Variants in RUNX1T1 observed in about 807,000 individuals in gnomAD.
The protein encoded by RUNX1T1 is protein CBFA2T1.
RUNX1T1 carries 4 observed loss-of-function variants against 62.8 expected under a neutral mutation model. That is an observed-to-expected ratio of 0.06 (90% confidence interval 0.03 to 0.15). The LOEUF is 0.15. Ranked by LOEUF, RUNX1T1 falls within the 10% of genes least tolerant of loss-of-function variation. The probability of loss-of-function intolerance (pLI) is 1.00; values close to 1 mark genes in which losing one functional copy is unlikely to be tolerated. For synonymous variants in RUNX1T1, 291 were observed against 286.0 expected (o/e 1.02, Z -0.18); for missense variants, 508 against 754.3 (o/e 0.67, Z 3.82).
chr8:92,009,789 T>C (rs576535020), intron 4 of RUNX1T1: 1 of 152,220 alleles, frequency 6.6e-6, no homozygotes, highest in East Asian at 1.9e-4. Flanking sequence ...GTATAAGCCA[T>C]TTTGGGAGAA....
At chr8:92,061,424 G>A (rs1002046757) in intron 1 of RUNX1T1, among the ~76,000 whole-genome samples, 11 of 152,132 alleles carry the variant, frequency 7.2e-5, no homozygotes, top group African/African-American at 2.7e-4. Context: ...GAGTTAAAAT[G>A]ACCTTTCAAA....
exon 10 of RUNX1T1, chr8:91,970,706 C>G: frequency 1.9e-6 from 3 of 1,613,298 alleles, no homozygotes; most frequent in Non-Finnish European, 2.5e-6. Flanking sequence ...CGTCCTCCGC[C>G]GCCTGCCGTT....
chr8:92,005,287 G>A, exon 5 of RUNX1T1: 1 of 1,611,288 alleles, frequency 6.2e-7, no homozygotes, highest in Non-Finnish European at 8.5e-7. Flanking sequence ...CTGCAGCAGG[G>A]GCAAGTTGGC....
intron 1 of RUNX1T1, among the ~76,000 whole-genome samples, chr8:92,034,254 A>C (rs1289744498): frequency 7.2e-5 from 11 of 152,204 alleles, no homozygotes. Flanking sequence ...CACAAACACT[A>C]GCTGACTGAG....
intron 1 of RUNX1T1, among the ~76,000 whole-genome samples, chr8:92,061,689 C>T (rs1832057061): frequency 6.6e-6 from 1 of 152,178 alleles, no homozygotes; most frequent in South Asian, 2.1e-4. Flanking sequence ...GGTGTACAAA[C>T]TCTGTGACCA....
At chr8:92,067,262 A>G (rs1401637611), upstream of RUNX1T1, among the ~76,000 whole-genome samples, 1 of 152,236 alleles carries the variant, frequency 6.6e-6, no homozygotes, top group African/African-American at 2.4e-5. Context: ...CCTCAATCAC[A>G]TGCAACTAGT....
chr8:92,035,307 A>T (rs1052262429), intron 1 of RUNX1T1, among the ~76,000 whole-genome samples: 8 of 151,668 alleles, frequency 5.3e-5, no homozygotes, highest in South Asian at 2.1e-4. Flanking sequence ...AAAAAAAAAA[A>T]AAATAAGAGT....
chr8:92,076,111 G>A, exon 2 of RUNX1T1: 1 of 1,572,352 alleles, frequency 6.4e-7, no homozygotes, highest in Non-Finnish European at 8.6e-7. Context: ...CAGAGATTAT[G>A]TTCACCAGCC....
chr8:92,042,782 T>C (rs1194362317), intron 1 of RUNX1T1, among the ~76,000 whole-genome samples: 1 of 152,178 alleles, frequency 6.6e-6, no homozygotes, highest in African/African-American at 2.4e-5. Flanking sequence ...AATCTGAGAA[T>C]CTGAACAGAA....
At position 92,056,887 on chromosome 8, in the gene RUNX1T1, A is replaced by G. The variant is rs115791150; in HGVS notation, c.7+5659T>C. On this transcript the variant is annotated intron_variant, in intron 1 of 10. Coordinates refer to ENST00000396218, the Ensembl canonical transcript of RUNX1T1. ...CCATCCATCTGACCTTCCGATTAAC[A>G]AAAGATAGCCAGGATGACCACATTC... is the stretch of plus-strand genomic sequence containing the variant. Among the ~76,000 whole-genome samples the G allele has an allele frequency of 7.8e-3, 1,183 of 152,318 alleles. 10 individuals are homozygous for G. Among genetic ancestry groups the G allele is most frequent in the African/African-American group, 0.026 (1,091 of 41,566 alleles).
At chr8:92,027,906 G>A (rs562247090) in intron 1 of RUNX1T1, among the ~76,000 whole-genome samples, 2 of 151,844 alleles carry the variant, frequency 1.3e-5, no homozygotes, top group Non-Finnish European at 2.9e-5. Flanking sequence ...GCACTTATCC[G>A]GCTAGCTATG....
At chr8:91,981,446 G>A (rs1042346802) in intron 8 of RUNX1T1, among the ~76,000 whole-genome samples, 4 of 107,890 alleles carry the variant, frequency 3.7e-5, no homozygotes, top group Non-Finnish European at 6.7e-5. Flanking sequence ...AGGCAGTCTC[G>A]CTCTGTCCTC....
At chr8:92,003,998 A>T (rs1409353753) in intron 5 of RUNX1T1, among the ~76,000 whole-genome samples, 2 of 152,236 alleles carry the variant, frequency 1.3e-5, no homozygotes, top group Non-Finnish European at 2.9e-5. Context: ...ATTGTAGCAT[A>T]AAAACTGCTT....
chr8:91,958,452 A>G, downstream of RUNX1T1: 1 of 196,598 alleles, frequency 5.1e-6, no homozygotes, highest in East Asian at 7.7e-5. Flanking sequence ...AATACTGTAT[A>G]ACCTGGCATT....
intron 9 of RUNX1T1, chr8:91,971,152 A>T (rs1812746032): frequency 3.6e-6 from 1 of 279,458 alleles, no homozygotes; most frequent in South Asian, 1.6e-4. Flanking sequence ...TACATTTAGG[A>T]AAACAAAGGG....
chr8:92,016,494 G>A (rs1271358871), intron 2 of RUNX1T1, among the ~76,000 whole-genome samples: 2 of 152,138 alleles, frequency 1.3e-5, no homozygotes, highest in Non-Finnish European at 2.9e-5. Flanking sequence ...GACCAACATG[G>A]TGAAACCCCG....
At chr8:92,092,721 C>T (rs779261572) in intron 1 of RUNX1T1, among the ~76,000 whole-genome samples, 1 of 152,112 alleles carries the variant, frequency 6.6e-6, no homozygotes, top group Non-Finnish European at 1.5e-5. Flanking sequence ...CCAGGATTTT[C>T]ACCTATGGAA....
At chr8:92,002,281 C>T (rs753115899) in intron 5 of RUNX1T1, among the ~76,000 whole-genome samples, 1 of 151,926 alleles carries the variant, frequency 6.6e-6, no homozygotes, top group Non-Finnish European at 1.5e-5. Context: ...AGAGACACTC[C>T]CCAGAGCTAC....
At chr8:92,000,731 C>T (rs1424100546) in intron 5 of RUNX1T1, among the ~76,000 whole-genome samples, 1 of 152,114 alleles carries the variant, frequency 6.6e-6, no homozygotes, top group Admixed American at 6.5e-5. Flanking sequence ...TTCTAACTGA[C>T]TCATTAAGCC....
Sources: gnomAD v4.1 joint callset for allele counts (sites outside exome capture counted in the v4.1 genomes callset) on GRCh38, gnomAD v4.1.1 for gene constraint, MANE v1.5 for transcripts, NCBI Gene and HGNC (gene_info 2026-07-23, HGNC 2026-07-21) for gene names.